The following IGSF10 variants were observed in gnomAD, a reference collection of about 807,000 sequenced individuals.
IGSF10 encodes calvaria mechanical force protein 608.
IGSF10 carries 126 observed loss-of-function variants against 128.2 expected under a neutral mutation model. The observed-to-expected ratio is 0.98, with a 90% CI of 0.85 to 1.14. The LOEUF (loss-of-function observed/expected upper bound fraction) is 1.14. IGSF10 is among the 50% of genes most tolerant of loss of function. The probability of loss-of-function intolerance (pLI) is 0.00; values close to 1 mark genes in which losing one functional copy is unlikely to be tolerated. For missense variants in IGSF10, 3,295 were observed against 3,149.8 expected (o/e 1.05, Z -1.10); for synonymous variants, 1,185 against 1,146.2 (o/e 1.03, Z -0.68).
At chr3:151,484,249 G>C in the IGSF10 span, among the ~76,000 whole-genome samples, 1 of 152,168 alleles carries the variant, frequency 6.6e-6, no homozygotes, top group Admixed American at 6.5e-5. Context: ...TGCCTTTCTA[G>C]ATTCCTTCCT....
chr3:151,554,555 T>C, the IGSF10 span, among the ~76,000 whole-genome samples: 2 of 151,408 alleles, frequency 1.3e-5, no homozygotes, highest in Non-Finnish European at 2.9e-5. Flanking sequence ...ATTTGCATTT[T>C]GTTCATATAA....
Position 151,449,210 on chromosome 3 carries a change from A to G in IGSF10, c.771T>C (p.Leu257=). 4 of 1,613,976 alleles carry G rather than the reference A, an allele frequency of 2.5e-6. No individual in the cohort carries two copies. The highest frequency in any genetic ancestry group is 2.5e-6 in the Non-Finnish European group (3 of 1,179,958). Residue 257 remains leucine (L), a synonymous_variant, in exon 6 of 8, where the codon CTT becomes CTC. Coordinates refer to ENST00000282466, the MANE Select transcript of IGSF10 (RefSeq NM_178822.5). ...CTTTAGAAGTCCTAGGGTTCATGCA[A>G]AGTGGACACTGCTGAGCACTAGAGG... ...RSPSSAQQCP[L]CMNPRTSKGK...
At chr3:151,480,627 C>A in the IGSF10 span, among the ~76,000 whole-genome samples, 1 of 152,020 alleles carries the variant, frequency 6.6e-6, no homozygotes, top group Admixed American at 6.5e-5. Flanking sequence ...ATCCCTGAGG[C>A]TCGGCTGCCA....
At chr3:151,593,608 A>C in the IGSF10 span, among the ~76,000 whole-genome samples, 16 of 152,180 alleles carry the variant, frequency 1.1e-4, no homozygotes, top group African/African-American at 3.9e-4. Flanking sequence ...TCTGAAGACA[A>C]AGGCATATTT....
the IGSF10 span, among the ~76,000 whole-genome samples, chr3:151,490,933 TAGTAA>T: frequency 6.6e-6 from 1 of 151,754 alleles, no homozygotes; most frequent in Non-Finnish European, 1.5e-5. Context: ...TCCAAATAAA[TAGTAA>T]AAGATTATGT....
the IGSF10 span, among the ~76,000 whole-genome samples, chr3:151,525,498 G>A: frequency 7.3e-6 from 1 of 136,664 alleles, no homozygotes; most frequent in African/African-American, 2.5e-5. Context: ...CATTTCCTGT[G>A]GGCCAGTAGT....
chr3:151,433,908 A>G (rs1241027506), downstream of IGSF10: 1 of 152,708 alleles, frequency 6.5e-6, no homozygotes, highest in Non-Finnish European at 1.5e-5. Context: ...TAAATTATAC[A>G]TCAAATTTAT....
At position 151,436,826 on chromosome 3, in the gene IGSF10, G is replaced by A. The variant is rs7624011; in HGVS notation, c.7735C>T (p.His2579Tyr). ...TGTAAGTGAAGCTGCTCACTTCCAT[G>A]TGTCCTCTCTTTACTTGCCGTTGAG... is the stretch of plus-strand genomic sequence containing the variant. Reference protein sequence around the residue: ...LLSTASKERTHGSEQLHLQGT... With the variant: ...LLSTASKERTYGSEQLHLQGT... The change falls in exon 8 of 8, where the codon CAT becomes TAT. Residue 2579 changes from histidine to tyrosine, a missense_variant. Coordinates refer to ENST00000282466, the MANE Select transcript of IGSF10 (RefSeq NM_178822.5). The A allele has an allele frequency of 6.8e-3, 11,033 of 1,614,104 alleles. 602 individuals are homozygous for A. The African/African-American group carries it at 0.13, about 18-fold the overall frequency.
upstream of IGSF10, among the ~76,000 whole-genome samples, chr3:151,463,524 T>G (rs200941702): frequency 0.017 from 691 of 41,594 alleles, 14 homozygotes; most frequent in African/African-American, 0.071. Flanking sequence ...CATTTTCTGG[T>G]TTTTTTTTTT....
chr3:151,490,933 T>C, the IGSF10 span, among the ~76,000 whole-genome samples: 1 of 151,872 alleles, frequency 6.6e-6, no homozygotes, highest in East Asian at 1.9e-4. Flanking sequence ...TCCAAATAAA[T>C]AGTAAAAGAT....
At chr3:151,503,196 A>G in the IGSF10 span, among the ~76,000 whole-genome samples, 2 of 152,076 alleles carry the variant, frequency 1.3e-5, no homozygotes, top group Non-Finnish European at 2.9e-5. Context: ...AAAATGCTTT[A>G]CAAATAAATC....
chr3:151,600,853 G>T, the IGSF10 span, among the ~76,000 whole-genome samples: 1 of 151,984 alleles, frequency 6.6e-6, no homozygotes, highest in Non-Finnish European at 1.5e-5. Context: ...TTCTCTTATT[G>T]CCTGAAGTTG....
the IGSF10 span, among the ~76,000 whole-genome samples, chr3:151,501,654 G>A: frequency 1.3e-5 from 2 of 152,080 alleles, no homozygotes; most frequent in Middle Eastern, 3.4e-3. Context: ...GTGAAATGTT[G>A]ATACAGAATT....
chr3:151,613,037 A>G, the IGSF10 span, among the ~76,000 whole-genome samples: 1 of 152,216 alleles, frequency 6.6e-6, no homozygotes, highest in African/African-American at 2.4e-5. Flanking sequence ...GTATTCTTAT[A>G]CACCAATAAC....
chr3:151,493,691 C>T, the IGSF10 span, among the ~76,000 whole-genome samples: 6 of 152,056 alleles, frequency 3.9e-5, no homozygotes, highest in African/African-American at 1.2e-4. Flanking sequence ...TATAAGTATA[C>T]TCTATAATGT....
rs1720437886 is a variant in IGSF10 at position 151,437,450 on chromosome 3, A to G, written c.7111T>C (p.Trp2371Arg). 3 of 1,614,226 alleles carry G rather than the reference A, an allele frequency of 1.9e-6. No individual in the cohort carries two copies. In the East Asian group the frequency reaches 6.7e-5, roughly 36 times the overall value. ...VDGNPPPEIIWILPNGTRFSN... is the reference protein window; with the variant it reads ...VDGNPPPEIIRILPNGTRFSN... ...AATCGTGTGCCATTTGGTAAAATCC[A>G]GATTATTTCAGGTGGTGGGTTACCA... Residue 2371 changes from tryptophan (W) to arginine (R), a missense_variant, in exon 8 of 8, where the codon TGG becomes CGG. Physicochemically the swap from Trp to Arg is moderately radical, Grantham distance 101. Coordinates refer to ENST00000282466, the MANE Select transcript of IGSF10 (RefSeq NM_178822.5).
the IGSF10 span, among the ~76,000 whole-genome samples, chr3:151,577,586 G>A: frequency 6.6e-6 from 1 of 151,974 alleles, no homozygotes; most frequent in African/African-American, 2.4e-5. Context: ...CATATTAAAT[G>A]CATATTGAGG....
Position 151,438,167 on chromosome 3 carries a change from C to A in IGSF10, c.6394G>T (p.Val2132Phe), listed in dbSNP as rs865787686. The change falls in exon 8 of 8, where the codon GTC becomes TTC. Residue 2132 changes from valine to phenylalanine, a missense_variant. Val to Phe is a conservative substitution (Grantham distance 50). Transcript: ENST00000282466. ...QNTLGKDEMK[V>F]HLTVITAAPR... is the part of the protein sequence containing the mutation. Reference sequence around the variant, plus strand: ...GCAGCTGTTATAACTGTTAAGTGGACCTTCATTTCATCTTTCCCTAGGGTG... The same window carrying A: ...GCAGCTGTTATAACTGTTAAGTGGAACTTCATTTCATCTTTCCCTAGGGTG... 1.2e-6 allele frequency: 2 copies of A among 1,609,278 alleles called. No individual in the cohort carries two copies. The highest frequency in any genetic ancestry group is 1.7e-4 in the Middle Eastern group (1 of 6,054).
chr3:151,490,502 T>C, the IGSF10 span, among the ~76,000 whole-genome samples: 3 of 70,286 alleles, frequency 4.3e-5, no homozygotes, highest in Non-Finnish European at 6.2e-5. Flanking sequence ...GAATTTGAAC[T>C]GCATTTTTTT....
Sources: allele counts gnomAD v4.1 joint callset (sites outside exome capture counted in the v4.1 genomes callset), GRCh38; gene constraint gnomAD v4.1.1; transcripts MANE v1.5; gene names NCBI Gene and HGNC (gene_info 2026-07-23, HGNC 2026-07-21).